Variants in SPATS2L observed in about 807,000 individuals in gnomAD.
SPATS2L encodes spermatogenesis associated serine rich 2 like.
Under a neutral mutation model 59.6 loss-of-function variants are expected in SPATS2L, and 30 were observed. The observed-to-expected ratio is 0.50, with a 90% CI of 0.38 to 0.68. The LOEUF (loss-of-function observed/expected upper bound fraction) is 0.68, where lower values mean the gene tolerates loss of function less well. SPATS2L is among the 30% of genes least tolerant of loss of function. The pLI is 0.00. For missense variants in SPATS2L, 615 were observed against 700.0 expected (o/e 0.88, Z 1.37); for synonymous variants, 252 against 263.5 (o/e 0.96, Z 0.42).
At chr2:200,306,586 G>A (rs2079017773), upstream of SPATS2L, 2 of 1,001,386 alleles carry the variant, frequency 2.0e-6, no homozygotes, top group Non-Finnish European at 2.4e-6. Context: ...GGCGCCGGCT[G>A]GGGTGTGTGC....
chr2:200,473,999 C>CA (rs1014471014), intron 12 of SPATS2L, among the ~76,000 whole-genome samples: 6 of 144,704 alleles, frequency 4.1e-5, no homozygotes, highest in East Asian at 2.0e-4. Context: ...GACTCCATCT[C>CA]AAAAAAAAAT....
At position 200,419,435 on chromosome 2, in the gene SPATS2L, C is replaced by A; in HGVS notation, c.384C>A (p.Ile128=). 6.2e-7 allele frequency: 1 copy of A among 1,613,822 alleles called. No individual in the cohort carries two copies. The highest frequency in any genetic ancestry group is 8.5e-7 in the Non-Finnish European group (1 of 1,179,838). Residue 128 remains isoleucine, a synonymous_variant, in exon 6 of 13, where the codon ATC becomes ATA. Coordinates refer to ENST00000409140, the MANE Select transcript of SPATS2L (RefSeq NM_001100423.2). ...CTGCTAACGAAAAACCAGCCCTTATCCCTCGTGAGAAAAAGATCTCGATAC... is the reference window on the plus strand; with the variant it reads ...CTGCTAACGAAAAACCAGCCCTTATACCTCGTGAGAAAAAGATCTCGATAC... ...TDSANEKPAL[I]PREKKISILE...
In SPATS2L at chr2:200,439,133, C is replaced by G. The variant is rs776253204; in HGVS notation, c.457C>G (p.Leu153Val). 6.2e-7 allele frequency: 1 copy of G among 1,613,232 alleles called. No individual in the cohort carries two copies. Among genetic ancestry groups the G allele is most frequent in the South Asian group, 1.1e-5 (1 of 91,076 alleles). Residue 153 changes from leucine to valine, a missense_variant, in exon 7 of 13, where the codon CTA becomes GTA. Coordinates refer to ENST00000409140, the MANE Select transcript of SPATS2L (RefSeq NM_001100423.2). ...GTGTTTTCTTACAGAAGGCAACAGA[C>G]TACTGCAACAGAAACTATCCTTAGA... ...ALRGVTEGNR[L>V]LQQKLSLDGN...
chr2:200,453,489 T>C (rs1278016257), intron 8 of SPATS2L, among the ~76,000 whole-genome samples: 3 of 152,064 alleles, frequency 2.0e-5, no homozygotes, highest in Non-Finnish European at 4.4e-5. Context: ...ACTTGGGGAG[T>C]TGGACCAGAA....
chr2:200,357,021 A>C (rs1277627708), intron 2 of SPATS2L, among the ~76,000 whole-genome samples: 1 of 152,224 alleles, frequency 6.6e-6, no homozygotes, highest in East Asian at 1.9e-4. Context: ...TTTCCAACAC[A>C]TGAACTTTAA....
chr2:200,428,615 T>C (rs889753254), intron 6 of SPATS2L, among the ~76,000 whole-genome samples: 2 of 152,218 alleles, frequency 1.3e-5, no homozygotes, highest in African/African-American at 4.8e-5. Context: ...GGCTACACTC[T>C]GAACTCCAGA....
intron 2 of SPATS2L, among the ~76,000 whole-genome samples, chr2:200,333,536 T>C (rs1319769618): frequency 6.6e-6 from 1 of 152,094 alleles, no homozygotes; most frequent in Non-Finnish European, 1.5e-5. Context: ...AGTTTTAGGG[T>C]ACATGTGCAC....
At chr2:200,389,877 C>G (rs1233253760) in intron 3 of SPATS2L, 1 of 152,424 alleles carries the variant, frequency 6.6e-6, no homozygotes, top group Non-Finnish European at 1.5e-5. Context: ...GCTGCGTCCT[C>G]CACTGAGGGT....
At chr2:200,339,507 C>T (rs985148664) in intron 2 of SPATS2L, among the ~76,000 whole-genome samples, 4 of 152,052 alleles carry the variant, frequency 2.6e-5, no homozygotes, top group African/African-American at 9.7e-5. Flanking sequence ...ATGTTTACAC[C>T]TGGTTTAGTT....
chr2:200,397,986 G>T (rs974142056), intron 3 of SPATS2L, among the ~76,000 whole-genome samples: 1 of 152,194 alleles, frequency 6.6e-6, no homozygotes, highest in African/African-American at 2.4e-5. Flanking sequence ...CTTGAAAGAA[G>T]AGGGAGAAGA....
chr2:200,393,365 G>C (rs767504216), intron 3 of SPATS2L: 6 of 456,362 alleles, frequency 1.3e-5, no homozygotes, highest in Non-Finnish European at 2.6e-5. Flanking sequence ...TTAGCACACA[G>C]ATCACAGAGG....
intron 6 of SPATS2L, among the ~76,000 whole-genome samples, chr2:200,427,291 C>T (rs957609613): frequency 3.3e-5 from 5 of 151,796 alleles, no homozygotes; most frequent in Admixed American, 2.6e-4. Context: ...CATTGTATAC[C>T]TATATCAAAA....
intron 2 of SPATS2L, among the ~76,000 whole-genome samples, chr2:200,344,040 T>TG (rs1328967395): frequency 8.0e-4 from 122 of 151,676 alleles, no homozygotes; most frequent in African/African-American, 2.9e-3. Flanking sequence ...ATAGAGGTTA[T>TG]TTTTTTTAAA....
intron 2 of SPATS2L, among the ~76,000 whole-genome samples, chr2:200,345,835 C>T (rs1449624035): frequency 1.3e-5 from 2 of 152,060 alleles, no homozygotes; most frequent in Admixed American, 1.3e-4. Flanking sequence ...TTTTTTGGAG[C>T]GCTTATGGTG....
chr2:200,340,973 C>G (rs1364868403), intron 2 of SPATS2L, among the ~76,000 whole-genome samples: 1 of 152,136 alleles, frequency 6.6e-6, no homozygotes, highest in Non-Finnish European at 1.5e-5. Flanking sequence ...AGCAATGTAA[C>G]TGTTAAAGAT....
intron 1 of SPATS2L, among the ~76,000 whole-genome samples, chr2:200,319,573 A>G (rs1333879059): frequency 1.3e-5 from 2 of 151,168 alleles, no homozygotes; most frequent in Admixed American, 1.3e-4. Context: ...TCAAAAAAAA[A>G]AAAAAAAAAA....
At chr2:200,428,112 A>C (rs1007231604) in intron 6 of SPATS2L, among the ~76,000 whole-genome samples, 1 of 151,624 alleles carries the variant, frequency 6.6e-6, no homozygotes, top group African/African-American at 2.4e-5. Context: ...TCATCACTAG[A>C]CCATTATTCT....
intron 8 of SPATS2L, among the ~76,000 whole-genome samples, chr2:200,451,372 A>G (rs1388473825): frequency 1.3e-5 from 2 of 152,190 alleles, no homozygotes; most frequent in East Asian, 3.8e-4. Context: ...CACTCCATCA[A>G]TAAATGAATT....
chr2:200,416,294 G>A, intron 4 of SPATS2L, 85 bp from the exon 5 acceptor site: 1 of 560,904 alleles, frequency 1.8e-6, no homozygotes, highest in Non-Finnish European at 2.7e-6. Context: ...AAAAAAAGCT[G>A]CTACCAAGAT....
Sources: gnomAD v4.1 joint callset for allele counts (sites outside exome capture counted in the v4.1 genomes callset) on GRCh38, gnomAD v4.1.1 for gene constraint, MANE v1.5 for transcripts, NCBI Gene and HGNC (gene_info 2026-07-23, HGNC 2026-07-21) for gene names.